The following BCL2L13 variants were observed in gnomAD, a reference collection of about 807,000 sequenced individuals.
BCL2L13 encodes the protein BCL2 like 13.
In BCL2L13, 13 loss-of-function variants were observed where a neutral mutation model predicts 25.8. That is an observed-to-expected ratio of 0.50 (90% confidence interval 0.33 to 0.80). BCL2L13 has a LOEUF of 0.80. Ranked by LOEUF, BCL2L13 falls within the 30% of genes least tolerant of loss-of-function variation. The pLI is 0.02. For missense variants in BCL2L13, 504 were observed against 574.9 expected (o/e 0.88, Z 1.26); for synonymous variants, 244 against 230.3 (o/e 1.06, Z -0.54).
chr22:17,679,888 A>G (rs1344285632), intron 2 of BCL2L13, among the ~76,000 whole-genome samples: 1 of 152,044 alleles, frequency 6.6e-6, no homozygotes, highest in African/African-American at 2.4e-5. Flanking sequence ...AATTGACACA[A>G]GGCCAAGCAA....
intron 6 of BCL2L13, chr22:17,703,534 C>A (rs748020080): frequency 6.6e-6 from 1 of 152,162 alleles, no homozygotes; most frequent in Non-Finnish European, 1.5e-5. Context: ...ATTTGCCCAA[C>A]AGTCAGTGAT....
At chr22:17,644,130 C>T (rs190960141) in intron 1 of BCL2L13, among the ~76,000 whole-genome samples, 2,052 of 151,016 alleles carry the variant, frequency 0.014, 36 homozygotes, top group Non-Finnish European at 0.022. Context: ...AGGCTGGTCT[C>T]GAACTCCCGA....
At position 17,727,511 on chromosome 22, in the gene BCL2L13, G is replaced by C; in HGVS notation, c.1435G>C (p.Ala479Pro). 1.2e-6 allele frequency: 2 copies of C among 1,614,140 alleles called. No homozygotes were observed. Among genetic ancestry groups the C allele is most frequent in the Non-Finnish European group, 1.7e-6 (2 of 1,179,970 alleles). Residue 479 changes from alanine to proline, a missense_variant, in exon 7 of 7, where the codon GCC becomes CCC. Coordinates refer to ENST00000317582, the MANE Select transcript of BCL2L13 (RefSeq NM_015367.4). ...CATCCTGGCAGTGGCCATCGGGGTA[G>C]CCCTGGCTCTGAGAAAGAAATAGGA... Reference protein sequence around the residue: ...VAILAVAIGVALALRKK With the variant: ...VAILAVAIGVPLALRKK
chr22:17,670,068 A>T (rs762204401), intron 2 of BCL2L13, among the ~76,000 whole-genome samples: 7 of 152,154 alleles, frequency 4.6e-5, no homozygotes, highest in Non-Finnish European at 7.3e-5. Flanking sequence ...TCAAAAATCA[A>T]TTGACCATAT....
chr22:17,638,848 C>A lies in BCL2L13; in HGVS notation c.-89C>A. 8.1e-7 allele frequency: 1 copy of A among 1,232,116 alleles called. No homozygotes were observed. Among genetic ancestry groups the A allele is most frequent in the Non-Finnish European group, 1.0e-6 (1 of 988,334 alleles). 76.3% of individuals were successfully genotyped at this position (1,232,116 alleles called of 1,614,324 possible). ...CCCTGTCGGAAGCAACTGCCGCCGCCGCCTCTTTCATCTCTTCTGGGGCAG... is the reference window on the plus strand; with the variant it reads ...CCCTGTCGGAAGCAACTGCCGCCGCAGCCTCTTTCATCTCTTCTGGGGCAG... On this transcript the variant is annotated 5_prime_UTR_variant, in exon 1 of 7. Transcript: ENST00000317582.
At chr22:17,688,272 A>T (rs1185529300) in intron 3 of BCL2L13, among the ~76,000 whole-genome samples, 1 of 152,142 alleles carries the variant, frequency 6.6e-6, no homozygotes, top group Non-Finnish European at 1.5e-5. Flanking sequence ...TTCAACTTTT[A>T]TACTTGTTTG....
chr22:17,695,469 A>G (rs1264297010), intron 4 of BCL2L13, among the ~76,000 whole-genome samples: 2 of 152,012 alleles, frequency 1.3e-5, no homozygotes, highest in East Asian at 3.9e-4. Context: ...CTACAGGCAC[A>G]CACCATCATG....
At position 17,683,351 on chromosome 22, in the gene BCL2L13, A is replaced by C. The variant is rs752194203; in HGVS notation, c.229+30A>C. On this transcript the variant is annotated intron_variant, in intron 3 of 6. Transcript: ENST00000317582. ...GTTTATTCTTATTTTTCTAGTTAAT[A>C]AGCAGATTGTGTTTGTTATGGTTTA... The C allele has an allele frequency of 3.1e-6, 4 of 1,289,928 alleles. No homozygotes were observed. The African/African-American group carries it at 6.0e-5, about 19-fold the overall frequency. The allele number at this position is 1,289,928 out of a possible 1,614,324, so 79.9% of individuals were successfully genotyped here.
At chr22:17,634,892 A>G (rs11703008), upstream of BCL2L13, among the ~76,000 whole-genome samples, 19,700 of 151,850 alleles carry the variant, frequency 0.13, 1,746 homozygotes, top group Non-Finnish European at 0.19. Context: ...AGGCTAGAGT[A>G]AGTCATGATC....
At chr22:17,669,464 G>A (rs2059348888) in intron 2 of BCL2L13, among the ~76,000 whole-genome samples, 1 of 152,134 alleles carries the variant, frequency 6.6e-6, no homozygotes, top group Admixed American at 6.6e-5. Context: ...AAGAACAGAG[G>A]CCAGTGAGAA....
intron 6 of BCL2L13, among the ~76,000 whole-genome samples, chr22:17,709,333 G>A (rs1011670090): frequency 3.9e-5 from 6 of 152,134 alleles, no homozygotes; most frequent in African/African-American, 7.2e-5. Flanking sequence ...GGTGGCTCAC[G>A]CCTGTAATCC....
intron 1 of BCL2L13, among the ~76,000 whole-genome samples, chr22:17,630,287 C>CT (rs932260968): frequency 3.9e-4 from 56 of 144,392 alleles, no homozygotes; most frequent in Admixed American, 1.6e-3. Flanking sequence ...ATAACCCTTT[C>CT]TTTTTTTTTT....
At chr22:17,659,685 A>C (rs1414075945) in intron 2 of BCL2L13, among the ~76,000 whole-genome samples, 1 of 145,546 alleles carries the variant, frequency 6.9e-6, no homozygotes, top group Non-Finnish European at 1.6e-5. Flanking sequence ...CAAAACAAAA[A>C]AACAAGAAAC....
chr22:17,681,073 T>C (rs1458524667), intron 2 of BCL2L13, among the ~76,000 whole-genome samples: 1 of 152,132 alleles, frequency 6.6e-6, no homozygotes, highest in Non-Finnish European at 1.5e-5. Flanking sequence ...TCCTGGAGCC[T>C]TTTAGTGGTT....
intron 2 of BCL2L13, among the ~76,000 whole-genome samples, chr22:17,658,617 C>T (rs963654382): frequency 4.0e-5 from 6 of 149,970 alleles, no homozygotes; most frequent in African/African-American, 1.5e-4. Context: ...TTGCTTGAAC[C>T]CAGGAGGCGG....
chr22:17,685,093 T>C (rs13058451), intron 3 of BCL2L13, among the ~76,000 whole-genome samples: 20,633 of 152,010 alleles, frequency 0.14, 1,819 homozygotes, highest in Non-Finnish European at 0.19. Context: ...AGGCTGGTCT[T>C]GAACTCCTGA....
intron 4 of BCL2L13, among the ~76,000 whole-genome samples, chr22:17,694,897 G>A (rs868132898): frequency 6.6e-6 from 1 of 152,214 alleles, no homozygotes; most frequent in African/African-American, 2.4e-5. Context: ...AGAGATCTGA[G>A]TTCAAATCCC....
chr22:17,713,968 A>G (rs529172076), intron 6 of BCL2L13, among the ~76,000 whole-genome samples: 5 of 151,348 alleles, frequency 3.3e-5, no homozygotes, highest in African/African-American at 1.2e-4. Context: ...CCATGGTGAT[A>G]CCCTATTTCT....
At chr22:17,719,383 A>G (rs1438004048) in intron 6 of BCL2L13, among the ~76,000 whole-genome samples, 1 of 152,146 alleles carries the variant, frequency 6.6e-6, no homozygotes, top group Non-Finnish European at 1.5e-5. Flanking sequence ...GAATAATTTG[A>G]CGTAAAATTA....
Sources: allele counts gnomAD v4.1 joint callset (sites outside exome capture counted in the v4.1 genomes callset), GRCh38; gene constraint gnomAD v4.1.1; transcripts MANE v1.5; gene names NCBI Gene and HGNC (gene_info 2026-07-23, HGNC 2026-07-21).